The following UVRAG variants were observed in gnomAD, a reference collection of about 807,000 sequenced individuals.
The protein encoded by UVRAG is UV radiation resistance associated, also known as UV radiation resistance-associated gene protein.
In UVRAG, 19 loss-of-function variants were observed where a neutral mutation model predicts 78.0. The ratio of observed to expected loss-of-function variants is 0.24; its 90% CI spans 0.17 to 0.36. UVRAG has a LOEUF of 0.36. Ranked by LOEUF, UVRAG falls within the 10% of genes least tolerant of loss-of-function variation. The probability of loss-of-function intolerance (pLI) is 1.00; values close to 1 mark genes in which losing one functional copy is unlikely to be tolerated. For missense variants in UVRAG, 740 were observed against 853.8 expected, an observed-to-expected ratio of 0.87 and a Z score of 1.66; for synonymous variants, 323 against 324.6, an observed-to-expected ratio of 1.00 and a Z score of 0.05.
chr11:76,024,426 G>T (rs933644187), intron 12 of UVRAG, among the ~76,000 whole-genome samples: 3 of 152,016 alleles, frequency 2.0e-5, no homozygotes, highest in Admixed American at 2.0e-4. Context: ...TTGCATTTTG[G>T]TGAATGAATT....
intron 9 of UVRAG, among the ~76,000 whole-genome samples, chr11:76,007,151 C>T (rs1004749203): frequency 6.6e-6 from 1 of 151,844 alleles, no homozygotes; most frequent in African/African-American, 2.4e-5. Flanking sequence ...TAGCTGGGAC[C>T]GCAGGCATAC....
At chr11:76,042,469 T>C (rs1472149811) in intron 12 of UVRAG, among the ~76,000 whole-genome samples, 1 of 152,108 alleles carries the variant, frequency 6.6e-6, no homozygotes, top group Non-Finnish European at 1.5e-5. Flanking sequence ...TCTCAAGAGG[T>C]CCCTATTGTT....
rs148397966 is a variant in UVRAG, at chr11:76,048,696, G to A, written c.1227-17014G>A. ...TTCTCAAATACATTCTGAATATAATGCAATTCCTAGACAGCATATTCACTT... is the reference window on the plus strand; with the variant it reads ...TTCTCAAATACATTCTGAATATAATACAATTCCTAGACAGCATATTCACTT... On this transcript the variant is annotated intron_variant, in intron 12 of 14. Transcript: ENST00000356136. Among the ~76,000 whole-genome samples, 423 of 152,274 alleles carry A rather than the reference G, an allele frequency of 2.8e-3. 6 individuals carry two copies. The highest frequency in any genetic ancestry group is 9.7e-3 in the African/African-American group (404 of 41,542).
At chr11:75,909,752 A>G (rs1591005630) in intron 5 of UVRAG, among the ~76,000 whole-genome samples, 2 of 152,196 alleles carry the variant, frequency 1.3e-5, no homozygotes, top group Non-Finnish European at 2.9e-5. Context: ...TCCAGTTAAT[A>G]ATATGTCTTT....
At chr11:75,996,415 C>T (rs140055012) in intron 8 of UVRAG, among the ~76,000 whole-genome samples, 29 of 152,106 alleles carry the variant, frequency 1.9e-4, no homozygotes, top group African/African-American at 6.3e-4. Context: ...CCAGACATTG[C>T]GATTAGAGTC....
chr11:75,989,461 C>T (rs1226007758), intron 8 of UVRAG, among the ~76,000 whole-genome samples: 1 of 152,148 alleles, frequency 6.6e-6, no homozygotes, highest in East Asian at 1.9e-4. Flanking sequence ...TTCCTTCTCT[C>T]AGGAATCATT....
At chr11:75,919,676 C>T (rs1947932308) in intron 6 of UVRAG, among the ~76,000 whole-genome samples, 1 of 152,194 alleles carries the variant, frequency 6.6e-6, no homozygotes, top group Admixed American at 6.5e-5. Context: ...GGCCAAAGCA[C>T]ATGTCTGTAT....
intron 10 of UVRAG, 123 bp downstream of exon 10, chr11:76,007,744 A>C: frequency 1.4e-6 from 1 of 722,352 alleles, no homozygotes. Context: ...TGATTCATTC[A>C]GGAGCTAATG....
At chr11:76,015,131 C>G (rs1201244106) in intron 11 of UVRAG, among the ~76,000 whole-genome samples, 1 of 152,126 alleles carries the variant, frequency 6.6e-6, no homozygotes, top group African/African-American at 2.4e-5. Context: ...GCTCTTTGCT[C>G]TTACTAGAAA....
chr11:76,046,824 A>G (rs1950766860), intron 12 of UVRAG, among the ~76,000 whole-genome samples: 1 of 152,228 alleles, frequency 6.6e-6, no homozygotes, highest in African/African-American at 2.4e-5. Flanking sequence ...AAAGCAGCCT[A>G]AAGTGATGAG....
intron 8 of UVRAG, among the ~76,000 whole-genome samples, chr11:76,000,628 GA>G (rs1196235687): frequency 1.3e-5 from 2 of 151,086 alleles, no homozygotes; most frequent in Non-Finnish European, 3.0e-5. Flanking sequence ...AAAAAAAAAG[GA>G]AAAAAAGAAA....
rs398045280 is a variant in UVRAG, at chr11:76,003,257, A to ATTTT, written c.827-720_827-717dup. On this transcript the variant is annotated intron_variant, in intron 8 of 14. Transcript: ENST00000356136. ...CACTATGATTTTCACGAAAATACTG[A>ATTTT]TTTTTTTTTTTTTTTTTTTTTTTTT... Among the ~76,000 whole-genome samples the ATTTT allele has an allele frequency of 5.6e-4, 30 of 53,786 alleles. 2 individuals carry two copies. The highest frequency in any genetic ancestry group is 1.6e-3 in the African/African-American group (20 of 12,898). The allele number at this position is 53,786 out of a possible 152,430, so 35.3% of individuals were successfully genotyped here. A position where few individuals can be genotyped will look rare whatever the true frequency, so the allele number is the denominator to read the frequency against.
At chr11:75,952,136 T>C (rs1948713603) in intron 6 of UVRAG, among the ~76,000 whole-genome samples, 1 of 152,202 alleles carries the variant, frequency 6.6e-6, no homozygotes, top group Admixed American at 6.5e-5. Flanking sequence ...TAATTTAAAC[T>C]CTTGCAATTT....
intron 13 of UVRAG, among the ~76,000 whole-genome samples, chr11:76,092,709 G>C (rs1275957317): frequency 6.6e-6 from 1 of 151,706 alleles, no homozygotes; most frequent in Non-Finnish European, 1.5e-5. Context: ...AAATTTGTTT[G>C]AGTTCTTTGT....
chr11:75,954,492 C>G (rs541790505), intron 6 of UVRAG, among the ~76,000 whole-genome samples: 11 of 152,192 alleles, frequency 7.2e-5, no homozygotes, highest in African/African-American at 2.4e-4. Flanking sequence ...ATTGCTGTTT[C>G]CTCACTTGAA....
chr11:76,036,121 A>G (rs1004908320), intron 12 of UVRAG, among the ~76,000 whole-genome samples: 2 of 152,224 alleles, frequency 1.3e-5, no homozygotes, highest in African/African-American at 4.8e-5. Context: ...CTTTGCTCAG[A>G]ATATCTATTT....
chr11:75,881,166 T>G lies in UVRAG; in HGVS notation c.432+1126T>G, dbSNP rs192568426. On this transcript the variant is annotated intron_variant, in intron 4 of 14. Coordinates refer to ENST00000356136, the MANE Select transcript of UVRAG (RefSeq NM_003369.4). ...ATTTTTATTTTTGTAGAGATGGGTG[T>G]AAACATGTGAGACAGGTCTCAGTTA... is the stretch of plus-strand genomic sequence containing the variant. Among the ~76,000 whole-genome samples the G allele has an allele frequency of 1.8e-3, 278 of 152,212 alleles. 1 individual carries two copies. The highest frequency in any genetic ancestry group is 3.4e-3 in the Non-Finnish European group (234 of 68,000).
chr11:75,906,098 G>A (rs1312796106), intron 5 of UVRAG, among the ~76,000 whole-genome samples: 1 of 152,080 alleles, frequency 6.6e-6, no homozygotes, highest in Non-Finnish European at 1.5e-5. Context: ...CTGGAAATTA[G>A]ACCTCTGTCA....
rs142663987 is a variant in UVRAG, at chr11:75,914,025, T to A, written c.593+1986T>A. ...TCATGCCTAGCTAATAACACAGATA[T>A]ACTTTTCCTAAACCAGATCACGTGA... On this transcript the variant is annotated intron_variant, in intron 6 of 14. Transcript: ENST00000356136. Among the ~76,000 whole-genome samples, 1,413 of 152,360 alleles carry A rather than the reference T, an allele frequency of 9.3e-3. 11 individuals are homozygous for A. Among genetic ancestry groups the A allele is most frequent in the Middle Eastern group, 0.017 (5 of 294 alleles).
Sources: gnomAD v4.1 joint callset for allele counts (sites outside exome capture counted in the v4.1 genomes callset) on GRCh38, gnomAD v4.1.1 for gene constraint, MANE v1.5 for transcripts, NCBI Gene and HGNC (gene_info 2026-07-23, HGNC 2026-07-21) for gene names.